The following GABRG3 variants were observed in gnomAD, a reference collection of about 807,000 sequenced individuals.
GABRG3 encodes gamma-aminobutyric acid receptor subunit gamma-3.
GABRG3 carries 25 observed loss-of-function variants against 48.8 expected under a neutral mutation model. That is an observed-to-expected ratio of 0.51 (90% CI 0.37 to 0.72). The LOEUF (loss-of-function observed/expected upper bound fraction) is 0.72, where lower values mean the gene tolerates loss of function less well. GABRG3 is among the 30% of genes least tolerant of loss of function. The pLI, the probability that GABRG3 is intolerant of heterozygous loss-of-function variation, is 0.00. For missense variants in GABRG3, 394 were observed against 577.9 expected, an observed-to-expected ratio of 0.68 and a Z score of 3.26; for synonymous variants, 227 against 217.6, an observed-to-expected ratio of 1.04 and a Z score of -0.38.
At chr15:27,100,471 A>AT (rs1897337153) in intron 3 of GABRG3, among the ~76,000 whole-genome samples, 1 of 152,184 alleles carries the variant, frequency 6.6e-6, no homozygotes, top group African/African-American at 2.4e-5. Flanking sequence ...ATTCCCCATC[A>AT]TTTTTTATGA....
chr15:27,376,154 A>C (rs963930556), intron 5 of GABRG3, among the ~76,000 whole-genome samples: 1 of 152,196 alleles, frequency 6.6e-6, no homozygotes, highest in Non-Finnish European at 1.5e-5. Flanking sequence ...AAAGCTCCAA[A>C]ATAATCTCCT....
chr15:27,394,087 A>C (rs1273004816), intron 5 of GABRG3, among the ~76,000 whole-genome samples: 1 of 152,176 alleles, frequency 6.6e-6, no homozygotes, highest in Admixed American at 6.5e-5. Flanking sequence ...TTAATATTTA[A>C]TGTAATGACA....
chr15:27,526,942 ATAG>A (rs1891291651), intron 7 of GABRG3, among the ~76,000 whole-genome samples: 1 of 152,190 alleles, frequency 6.6e-6, no homozygotes, highest in Non-Finnish European at 1.5e-5. Flanking sequence ...AAAAGCTGAG[ATAG>A]TAGAAGGTAC....
At chr15:27,268,963 C>T (rs957878381) in intron 3 of GABRG3, among the ~76,000 whole-genome samples, 3 of 152,188 alleles carry the variant, frequency 2.0e-5, no homozygotes, top group Non-Finnish European at 4.4e-5. Flanking sequence ...TACTGAACCT[C>T]GTACACTGTT....
At chr15:27,238,961 C>T (rs946687007) in intron 3 of GABRG3, among the ~76,000 whole-genome samples, 7 of 152,032 alleles carry the variant, frequency 4.6e-5, no homozygotes, top group South Asian at 2.1e-4. Flanking sequence ...ATTTGGCATG[C>T]GGAAGTGTCA....
chr15:26,983,152 C>CT lies in GABRG3; in HGVS notation c.202+6015dup, dbSNP rs34171008. Among the ~76,000 whole-genome samples, 684 of 146,484 alleles carry CT rather than the reference C, an allele frequency of 4.7e-3. 2 individuals carry two copies. The highest frequency in any genetic ancestry group is 7.4e-3 in the Non-Finnish European group (491 of 66,386). On this transcript the variant is annotated intron_variant, in intron 2 of 9. Transcript: ENST00000615808. The stretch of plus-strand genomic sequence containing the variant: ...CTGAATCCCTTTTCTTTTCTCATGA[C>CT]TTTTTTTTTTTTTCAAATCTAGCCA...
chr15:27,308,570 CAT>C (rs552124139), intron 3 of GABRG3, among the ~76,000 whole-genome samples: 178 of 146,520 alleles, frequency 1.2e-3, no homozygotes, highest in African/African-American at 4.0e-3. Context: ...TTTATATAAA[CAT>C]AATGTAAACA....
In GABRG3 at chr15:27,021,568, C is replaced by T. The variant is rs146550858; in HGVS notation, c.203-5186C>T. 7.2e-3 allele frequency among the ~76,000 whole-genome samples: 1,098 copies of T among 152,300 alleles called. 12 individuals are homozygous for T. Among genetic ancestry groups the T allele is most frequent in the African/African-American group, 0.025 (1,031 of 41,564 alleles). ...CGAAATTTATGTGAGTGGCTGAGTC[C>T]AGTGGCTTACACCTGGAATCCCAGC... On this transcript the variant is annotated intron_variant, in intron 2 of 9. Transcript: ENST00000615808.
At chr15:27,480,545 G>C (rs903910801) in intron 5 of GABRG3, 105 bp from the exon 6 acceptor site, 6 of 1,123,224 alleles carry the variant, frequency 5.3e-6, no homozygotes, top group Middle Eastern at 2.9e-4. Flanking sequence ...TGGCCTAAAA[G>C]TTTAACTCCT....
At chr15:27,289,572 T>C (rs1359898547) in intron 3 of GABRG3, among the ~76,000 whole-genome samples, 1 of 152,234 alleles carries the variant, frequency 6.6e-6, no homozygotes, top group East Asian at 1.9e-4. Context: ...ACAAAGAATC[T>C]AGGACTGTAC....
rs1566773573 is a variant in GABRG3, at chr15:27,308,243, TATATAAACATACGTTTATATATAAACATA to T, written c.271-18537_271-18509del. Among the ~76,000 whole-genome samples the T allele has an allele frequency of 7.8e-4, 103 of 131,218 alleles. 1 individual carries two copies. Among genetic ancestry groups the T allele is most frequent in the Admixed American group, 1.7e-3 (22 of 12,992 alleles). The allele number at this position is 131,218 out of a possible 152,430, so 86.1% of individuals were successfully genotyped here. On this transcript the variant is annotated intron_variant, in intron 3 of 9. Coordinates refer to ENST00000615808, the MANE Select transcript of GABRG3 (RefSeq NM_033223.5). ...ATAAACATGTTTATATATCCAAACATATATAAACATACGTTTATATATAAACATAATATAAACATACGTTTATATATAAA... is the reference window on the plus strand; with the variant it reads ...ATAAACATGTTTATATATCCAAACATATATAAACATACGTTTATATATAAA...
chr15:27,503,562 T>A lies in GABRG3; in HGVS notation c.713-16410T>A, dbSNP rs142621101. On this transcript the variant is annotated intron_variant, in intron 6 of 9. Transcript: ENST00000615808. Reference sequence around the variant, plus strand: ...ATAATCTTCTGGAGATTTGTCCAAGTTATTGAGTGTACAATAATTTGGCTT... The same window carrying A: ...ATAATCTTCTGGAGATTTGTCCAAGATATTGAGTGTACAATAATTTGGCTT... Among the ~76,000 whole-genome samples, 266 of 152,316 alleles carry A rather than the reference T, an allele frequency of 1.7e-3. 2 individuals carry two copies. In the Middle Eastern group the frequency reaches 0.02, roughly 12 times the overall value.
At chr15:27,041,163 GT>G (rs1237912419) in intron 3 of GABRG3, among the ~76,000 whole-genome samples, 2 of 152,090 alleles carry the variant, frequency 1.3e-5, no homozygotes, top group Non-Finnish European at 2.9e-5. Flanking sequence ...TTTGCATCTT[GT>G]TTAGTTTATG....
intron 6 of GABRG3, among the ~76,000 whole-genome samples, chr15:27,489,438 C>T (rs1240465072): frequency 6.6e-6 from 1 of 152,140 alleles, no homozygotes; most frequent in East Asian, 1.9e-4. Context: ...GTTCTGGATC[C>T]TTGAGGAATC....
At chr15:27,469,852 A>T (rs2150839788) in intron 5 of GABRG3, among the ~76,000 whole-genome samples, 1 of 152,328 alleles carries the variant, frequency 6.6e-6, no homozygotes. Context: ...ATAAGAACAT[A>T]TCATAGGCAG....
intron 5 of GABRG3, among the ~76,000 whole-genome samples, chr15:27,400,418 C>A (rs140430697): frequency 3.9e-5 from 6 of 152,222 alleles, no homozygotes; most frequent in Non-Finnish European, 7.3e-5. Context: ...CTTTAAAATA[C>A]TGTCTTACAA....
chr15:27,331,487 A>C (rs1232975779), intron 5 of GABRG3, among the ~76,000 whole-genome samples: 1 of 152,190 alleles, frequency 6.6e-6, no homozygotes, highest in African/African-American at 2.4e-5. Context: ...AAAGAAACCA[A>C]TCTGAAAAGG....
intron 3 of GABRG3, among the ~76,000 whole-genome samples, chr15:27,085,132 A>G (rs914081014): frequency 2.0e-5 from 3 of 152,230 alleles, no homozygotes; most frequent in African/African-American, 7.2e-5. Flanking sequence ...GTTTCATTTC[A>G]AGGCTGGTGT....
chr15:27,122,230 C>G (rs761734994), intron 3 of GABRG3, among the ~76,000 whole-genome samples: 1 of 152,152 alleles, frequency 6.6e-6, no homozygotes, highest in Non-Finnish European at 1.5e-5. Flanking sequence ...AATATATACA[C>G]CTACTGTGTA....
Sources: gnomAD v4.1 joint callset for allele counts (sites outside exome capture counted in the v4.1 genomes callset) on GRCh38, gnomAD v4.1.1 for gene constraint, MANE v1.5 for transcripts, NCBI Gene and HGNC (gene_info 2026-07-23, HGNC 2026-07-21) for gene names.